The following SGCZ variants were observed in gnomAD, a reference collection of about 807,000 sequenced individuals.
The protein encoded by SGCZ is zeta-sarcoglycan.
SGCZ carries 40 observed loss-of-function variants against 41.3 expected under a neutral mutation model. That is an observed-to-expected ratio of 0.97 (90% confidence interval 0.75 to 1.26). The LOEUF (loss-of-function observed/expected upper bound fraction) is 1.26, where lower values mean the gene tolerates loss of function less well. Ranked by LOEUF, SGCZ falls within the 50% of genes most tolerant of loss-of-function variation. The pLI, the probability that SGCZ is intolerant of heterozygous loss-of-function variation, is 0.00. For synonymous variants in SGCZ, 206 were observed against 137.5 expected (o/e 1.50, Z -3.49); for missense variants, 552 against 369.8 (o/e 1.49, Z -4.04).
At chr8:14,526,500 T>C (rs1274118247) in intron 2 of SGCZ, among the ~76,000 whole-genome samples, 1 of 152,202 alleles carries the variant, frequency 6.6e-6, no homozygotes, top group Non-Finnish European at 1.5e-5. Flanking sequence ...AAGTTTGAAT[T>C]ACAATGTTTT....
intron 1 of SGCZ, among the ~76,000 whole-genome samples, chr8:14,561,165 A>G (rs1352920679): frequency 2.0e-5 from 3 of 152,152 alleles, no homozygotes; most frequent in African/African-American, 7.2e-5. Context: ...TATGCAAACT[A>G]TCCTCCATTT....
Position 14,090,111 on chromosome 8 carries a change from G to A in SGCZ, c.*332C>T. On this transcript the variant is annotated 3_prime_UTR_variant, in exon 8 of 8. Coordinates refer to ENST00000382080, the MANE Select transcript of SGCZ (RefSeq NM_139167.4). ...TTTCATTTATGTAATGTATATATGT[G>A]CAGTTCATATCCAGGTCCTGCAAAA... The A allele has an allele frequency of 5.4e-6, 1 of 184,502 alleles. No individual in the cohort carries two copies. Among genetic ancestry groups the A allele is most frequent in the Non-Finnish European group, 1.1e-5 (1 of 89,308 alleles). 11.4% of individuals were successfully genotyped at this position (184,502 alleles called of 1,614,324 possible).
At chr8:15,070,292 C>A (rs1331507564) in intron 1 of SGCZ, among the ~76,000 whole-genome samples, 1 of 152,062 alleles carries the variant, frequency 6.6e-6, no homozygotes, top group Non-Finnish European at 1.5e-5. Flanking sequence ...CATGAGAGCT[C>A]ATTTTTAAGG....
chr8:14,815,442 A>T (rs1185992091), intron 1 of SGCZ, among the ~76,000 whole-genome samples: 2 of 151,558 alleles, frequency 1.3e-5, no homozygotes, highest in Admixed American at 1.3e-4. Context: ...GACTAGATGG[A>T]TGTAGAGATG....
rs185626484 is a variant in SGCZ at position 14,772,285 on chromosome 8, G to A, written c.40-217359C>T. Among the ~76,000 whole-genome samples, 157 of 152,082 alleles carry A rather than the reference G, an allele frequency of 1.0e-3. 1 individual carries two copies. The highest frequency in any genetic ancestry group is 3.6e-3 in the African/African-American group (148 of 41,496). On this transcript the variant is annotated intron_variant, in intron 1 of 7. Coordinates refer to ENST00000382080, the MANE Select transcript of SGCZ (RefSeq NM_139167.4). ...ACTTAGTATATTTTCAACTCATAATGGGTTTATAGTGACATAAACCCATCC... is the reference window on the plus strand; with the variant it reads ...ACTTAGTATATTTTCAACTCATAATAGGTTTATAGTGACATAAACCCATCC...
chr8:14,216,698 T>C (rs992114861), intron 4 of SGCZ, among the ~76,000 whole-genome samples: 1 of 151,616 alleles, frequency 6.6e-6, no homozygotes, highest in African/African-American at 2.4e-5. Flanking sequence ...CCATTTGTGA[T>C]AAAAACTCTC....
intron 2 of SGCZ, among the ~76,000 whole-genome samples, chr8:14,431,972 A>G (rs914881787): frequency 5.9e-5 from 9 of 152,194 alleles, no homozygotes; most frequent in African/African-American, 2.2e-4. Flanking sequence ...ATCAAACCAC[A>G]ATGCGATATC....
At chr8:14,566,830 C>T (rs1419299667) in intron 1 of SGCZ, among the ~76,000 whole-genome samples, 1 of 152,202 alleles carries the variant, frequency 6.6e-6, no homozygotes, top group East Asian at 1.9e-4. Flanking sequence ...GAGGGAGAGG[C>T]ACAGGCAGGA....
chr8:14,849,596 A>G (rs764000470), intron 1 of SGCZ, among the ~76,000 whole-genome samples: 2 of 152,118 alleles, frequency 1.3e-5, no homozygotes, highest in Non-Finnish European at 2.9e-5. Flanking sequence ...ATGCAAACTA[A>G]TCTATCACGA....
chr8:14,853,791 A>C (rs1162534756), intron 1 of SGCZ, among the ~76,000 whole-genome samples: 1 of 151,930 alleles, frequency 6.6e-6, no homozygotes, highest in African/African-American at 2.4e-5. Context: ...TTTTCTAACT[A>C]CTGTTGGAAT....
intron 2 of SGCZ, among the ~76,000 whole-genome samples, chr8:14,490,584 T>A (rs895441728): frequency 1.3e-5 from 2 of 152,224 alleles, no homozygotes; most frequent in Non-Finnish European, 2.9e-5. Context: ...AAGATCACTT[T>A]CATATGATAT....
rs558491730 is a variant in SGCZ, at chr8:14,908,803, A to T, written c.39+328782T>A. ...GAGAACCTAATTCACTATAAAAAATATTAATATGTCAGAGATACAAAGTTT... is the reference window on the plus strand; with the variant it reads ...GAGAACCTAATTCACTATAAAAAATTTTAATATGTCAGAGATACAAAGTTT... On this transcript the variant is annotated intron_variant, in intron 1 of 7. Transcript: ENST00000382080. Among the ~76,000 whole-genome samples, 5 of 151,916 alleles carry T rather than the reference A, an allele frequency of 3.3e-5. No homozygotes were observed. The South Asian group carries it at 8.3e-4, about 25-fold the overall frequency.
intron 2 of SGCZ, among the ~76,000 whole-genome samples, chr8:14,440,924 T>C (rs1456187369): frequency 2.0e-5 from 3 of 152,022 alleles, no homozygotes; most frequent in Non-Finnish European, 1.5e-5. Flanking sequence ...TCATTAGATC[T>C]CCTGTTAGTA....
intron 1 of SGCZ, among the ~76,000 whole-genome samples, chr8:14,718,919 T>C (rs1418224211): frequency 6.7e-6 from 1 of 149,882 alleles, no homozygotes; most frequent in Non-Finnish European, 1.5e-5. Flanking sequence ...TAGTTACACA[T>C]GTATACATGT....
chr8:14,644,917 T>C (rs1391583284), intron 1 of SGCZ, among the ~76,000 whole-genome samples: 24 of 144,958 alleles, frequency 1.7e-4, no homozygotes, highest in Admixed American at 1.5e-3. Flanking sequence ...TTGACAGAAA[T>C]ATAAAATATA....
intron 1 of SGCZ, among the ~76,000 whole-genome samples, chr8:15,086,528 A>G (rs1805955684): frequency 6.6e-6 from 1 of 152,110 alleles, no homozygotes; most frequent in Non-Finnish European, 1.5e-5. Flanking sequence ...CTTCTCTTCC[A>G]CAATGCAATA....
intron 5 of SGCZ, among the ~76,000 whole-genome samples, chr8:14,113,832 GTT>G (rs968426489): frequency 6.6e-5 from 10 of 152,000 alleles, no homozygotes; most frequent in Non-Finnish European, 1.3e-4. Context: ...CTGCTTAGCA[GTT>G]GTGTGGATTT....
At chr8:15,065,874 T>G (rs1191796106) in intron 1 of SGCZ, among the ~76,000 whole-genome samples, 1 of 152,192 alleles carries the variant, frequency 6.6e-6, no homozygotes, top group Admixed American at 6.5e-5. Flanking sequence ...CAGTAATATA[T>G]TTTTGAATGA....
rs868460182 is a variant in SGCZ at position 14,551,574 on chromosome 8, A to T, written c.234+3158T>A. On this transcript the variant is annotated intron_variant, in intron 2 of 7. Coordinates refer to ENST00000382080, the MANE Select transcript of SGCZ (RefSeq NM_139167.4). Reference sequence around the variant, plus strand: ...ATAATATATATTATATATATAATATATATATAATATATATAATATATATTA... The same window carrying T: ...ATAATATATATTATATATATAATATTTATATAATATATATAATATATATTA... Among the ~76,000 whole-genome samples, 3 of 22,348 alleles carry T rather than the reference A, an allele frequency of 1.3e-4. 1 individual carries two copies. In the East Asian group the frequency reaches 4.7e-3, roughly 35 times the overall value. 14.7% of individuals were successfully genotyped at this position (22,348 alleles called of 152,430 possible).
Sources: allele counts gnomAD v4.1 joint callset (sites outside exome capture counted in the v4.1 genomes callset), GRCh38; gene constraint gnomAD v4.1.1; transcripts MANE v1.5; gene names NCBI Gene and HGNC (gene_info 2026-07-23, HGNC 2026-07-21).